The following LRP1B variants were observed in gnomAD, a reference collection of about 807,000 sequenced individuals.
LRP1B encodes low-density lipoprotein receptor-related protein 1B.
LRP1B carries 217 observed loss-of-function variants against 556.6 expected under a neutral mutation model. The ratio of observed to expected loss-of-function variants is 0.39; its 90% CI spans 0.35 to 0.44. The LOEUF is 0.44. Ranked by LOEUF, LRP1B falls within the 20% of genes least tolerant of loss-of-function variation. The probability of loss-of-function intolerance (pLI) is 1.00; values close to 1 mark genes in which losing one functional copy is unlikely to be tolerated. For synonymous variants in LRP1B, 2,047 were observed against 1,865.8 expected, an observed-to-expected ratio of 1.10 and a Z score of -2.50; for missense variants, 5,053 against 5,620.8, an observed-to-expected ratio of 0.90 and a Z score of 3.23.
chr2:140,259,370 T>A (rs142570715), intron 86 of LRP1B, among the ~76,000 whole-genome samples: 1 of 152,238 alleles, frequency 6.6e-6, no homozygotes, highest in African/African-American at 2.4e-5. Context: ...TAAGCCTGTC[T>A]AGTTCTTGAC....
intron 43 of LRP1B, among the ~76,000 whole-genome samples, chr2:140,546,292 C>T (rs887662120): frequency 3.3e-5 from 5 of 152,070 alleles, no homozygotes; most frequent in Non-Finnish European, 1.5e-5. Flanking sequence ...TGCCTGATTG[C>T]TCTGCCCAGG....
intron 3 of LRP1B, among the ~76,000 whole-genome samples, chr2:141,431,057 G>C (rs553849339): frequency 6.6e-6 from 1 of 151,940 alleles, no homozygotes; most frequent in Admixed American, 6.6e-5. Flanking sequence ...TACTGCTTGA[G>C]CCCAGGAGGT....
chr2:142,031,961 C>T (rs149122376), intron 1 of LRP1B, among the ~76,000 whole-genome samples: 2 of 151,930 alleles, frequency 1.3e-5, no homozygotes, highest in Non-Finnish European at 2.9e-5. Context: ...CATGCTACTA[C>T]AAGACAAGGA....
At chr2:140,825,310 G>A (rs1297884818) in intron 31 of LRP1B, among the ~76,000 whole-genome samples, 1 of 152,110 alleles carries the variant, frequency 6.6e-6, no homozygotes, top group Non-Finnish European at 1.5e-5. Context: ...AAATACAGCT[G>A]GAGTGGGAAG....
At chr2:140,800,176 C>A (rs1356436849) in intron 32 of LRP1B, among the ~76,000 whole-genome samples, 4 of 152,046 alleles carry the variant, frequency 2.6e-5, no homozygotes, top group Non-Finnish European at 5.9e-5. Flanking sequence ...CATGTTCTCA[C>A]TCATAGGTGG....
intron 83 of LRP1B, among the ~76,000 whole-genome samples, chr2:140,306,617 T>C (rs576254685): frequency 2.3e-5 from 3 of 132,086 alleles, no homozygotes; most frequent in South Asian, 4.7e-4. Context: ...CCTGGATTCA[T>C]TGATTTTTTT....
chr2:141,865,541 G>A (rs1300581073), intron 1 of LRP1B, among the ~76,000 whole-genome samples: 2 of 134,350 alleles, frequency 1.5e-5, no homozygotes, highest in Admixed American at 8.0e-5. Flanking sequence ...GCAGCGAGCC[G>A]AGATCCCGCC....
At chr2:141,609,369 A>T (rs570500143) in intron 2 of LRP1B, among the ~76,000 whole-genome samples, 75 of 152,294 alleles carry the variant, frequency 4.9e-4, no homozygotes, top group Non-Finnish European at 9.0e-4. Context: ...CCCTAGACAT[A>T]GTGTACTGTT....
At chr2:141,682,805 A>T (rs770117527) in intron 2 of LRP1B, among the ~76,000 whole-genome samples, 1 of 152,180 alleles carries the variant, frequency 6.6e-6, no homozygotes, top group Non-Finnish European at 1.5e-5. Context: ...AATACAAAGA[A>T]TATTGAGAGA....
chr2:141,140,842 C>T (rs1263719424), intron 7 of LRP1B, among the ~76,000 whole-genome samples: 1 of 151,964 alleles, frequency 6.6e-6, no homozygotes, highest in Non-Finnish European at 1.5e-5. Context: ...CTGAGATAAG[C>T]ATGTAAATAT....
intron 2 of LRP1B, among the ~76,000 whole-genome samples, chr2:141,586,093 A>G (rs1193174875): frequency 6.6e-6 from 1 of 152,180 alleles, no homozygotes; most frequent in Non-Finnish European, 1.5e-5. Context: ...CTGGAAGTAG[A>G]ATAGTCTGGT....
intron 35 of LRP1B, among the ~76,000 whole-genome samples, chr2:140,722,504 A>T (rs1327703228): frequency 6.6e-6 from 1 of 152,140 alleles, no homozygotes; most frequent in African/African-American, 2.4e-5. Flanking sequence ...TATCTGGCTA[A>T]TTCAACCATT....
At chr2:141,273,120 C>T (rs1042033985) in intron 3 of LRP1B, among the ~76,000 whole-genome samples, 3 of 151,974 alleles carry the variant, frequency 2.0e-5, no homozygotes, top group African/African-American at 7.3e-5. Flanking sequence ...ACCAGCCTGG[C>T]CAATTTGGTG....
chr2:140,680,512 C>G (rs1047830773), intron 41 of LRP1B, among the ~76,000 whole-genome samples: 5 of 152,198 alleles, frequency 3.3e-5, no homozygotes, highest in Admixed American at 6.5e-5. Context: ...AATGAAATAA[C>G]TGCTGACTGC....
At chr2:140,948,568 T>C (rs1695611330) in intron 20 of LRP1B, among the ~76,000 whole-genome samples, 1 of 152,220 alleles carries the variant, frequency 6.6e-6, no homozygotes, top group Non-Finnish European at 1.5e-5. Context: ...GCTTTATTGA[T>C]AATGCATTCT....
At chr2:140,562,157 T>G (rs763414362) in intron 43 of LRP1B, among the ~76,000 whole-genome samples, 4 of 152,096 alleles carry the variant, frequency 2.6e-5, no homozygotes, top group Non-Finnish European at 4.4e-5. Flanking sequence ...TATAAGACCC[T>G]ATATATTTTC....
intron 6 of LRP1B, among the ~76,000 whole-genome samples, chr2:141,200,408 A>T (rs559297721): frequency 3.0e-4 from 45 of 152,156 alleles, no homozygotes; most frequent in African/African-American, 1.0e-3. Context: ...GGGGAGAGCA[A>T]CAGGAAAAAT....
chr2:140,239,586 T>C, intron 87 of LRP1B, 54 bp from the exon 88 acceptor site: 1 of 1,173,808 alleles, frequency 8.5e-7, no homozygotes, highest in Non-Finnish European at 1.2e-6. Flanking sequence ...AAGTAAAAAT[T>C]GATAAAACTA....
chr2:142,089,616 T>C (rs780617526), intron 1 of LRP1B, among the ~76,000 whole-genome samples: 1 of 152,114 alleles, frequency 6.6e-6, no homozygotes, highest in African/African-American at 2.4e-5. Context: ...ACAAGTGTGG[T>C]CCAAGACTGG....
Sources: allele counts gnomAD v4.1 joint callset (sites outside exome capture counted in the v4.1 genomes callset), GRCh38; gene constraint gnomAD v4.1.1; transcripts MANE v1.5; gene names NCBI Gene and HGNC (gene_info 2026-07-23, HGNC 2026-07-21).